Variants in PLCB1 observed in about 807,000 individuals in gnomAD.
PLCB1 encodes 1-phosphatidylinositol 4,5-bisphosphate phosphodiesterase beta-1.
PLCB1 carries 46 observed loss-of-function variants against 161.8 expected under a neutral mutation model. The observed-to-expected ratio is 0.28, with a 90% CI of 0.22 to 0.36. The LOEUF is 0.36. PLCB1 is among the 10% of genes least tolerant of loss of function. The probability of loss-of-function intolerance (pLI) is 1.00; values close to 1 mark genes in which losing one functional copy is unlikely to be tolerated. For missense variants in PLCB1, 1,016 were observed against 1,472.5 expected (o/e 0.69, Z 5.07); for synonymous variants, 517 against 503.7 (o/e 1.03, Z -0.35).
intron 3 of PLCB1, among the ~76,000 whole-genome samples, chr20:8,430,881 C>T (rs986950539): frequency 6.6e-6 from 1 of 151,910 alleles, no homozygotes; most frequent in Non-Finnish European, 1.5e-5. Context: ...TCTCTTGAGC[C>T]CAGAAGTAGG....
chr20:8,819,668 A>G (rs1417361322), intron 31 of PLCB1, among the ~76,000 whole-genome samples: 1 of 152,156 alleles, frequency 6.6e-6, no homozygotes, highest in African/African-American at 2.4e-5. Context: ...CACCCCGCCC[A>G]GATACCAAAA....
At chr20:8,811,056 A>G (rs1984794053) in intron 31 of PLCB1, among the ~76,000 whole-genome samples, 2 of 152,232 alleles carry the variant, frequency 1.3e-5, no homozygotes, top group South Asian at 2.1e-4. Context: ...TAGGAGGAAA[A>G]CCAAGAGTGT....
chr20:8,669,812 T>C (rs1347131897), intron 9 of PLCB1, among the ~76,000 whole-genome samples: 2 of 152,150 alleles, frequency 1.3e-5, no homozygotes, highest in African/African-American at 2.4e-5. Flanking sequence ...TCAGAAAGCA[T>C]TAATGAGAAC....
At chr20:8,211,839 T>A (rs1978840087) in intron 2 of PLCB1, among the ~76,000 whole-genome samples, 1 of 152,136 alleles carries the variant, frequency 6.6e-6, no homozygotes, top group African/African-American at 2.4e-5. Context: ...AGCAGTTCAT[T>A]ATCTATAAAT....
intron 3 of PLCB1, among the ~76,000 whole-genome samples, chr20:8,605,617 T>C (rs974712652): frequency 9.3e-5 from 14 of 151,212 alleles, no homozygotes; most frequent in African/African-American, 3.4e-4. Flanking sequence ...TTTCTTTTTT[T>C]TTTTTTTTTT....
rs891733994 is a variant in PLCB1 at position 8,856,566 on chromosome 20, G to A, written c.3424-25056G>A. On this transcript the variant is annotated intron_variant, in intron 31 of 31. Transcript: ENST00000338037. The stretch of plus-strand genomic sequence containing the variant: ...AGGGAGGTGGAGTTTACAGTGAGCC[G>A]AGATCACACCACTGCACTCCAGCCT... Among the ~76,000 whole-genome samples, 3 of 151,640 alleles carry A rather than the reference G, an allele frequency of 2.0e-5. No individual in the cohort carries two copies. The South Asian group carries it at 6.3e-4, about 32-fold the overall frequency.
intron 2 of PLCB1, among the ~76,000 whole-genome samples, chr20:8,355,254 A>G (rs571014196): frequency 6.6e-6 from 1 of 152,242 alleles, no homozygotes; most frequent in South Asian, 2.1e-4. Context: ...AGAAAAGGTC[A>G]TTTAAGCCCC....
intron 1 of PLCB1, chr20:8,142,085 G>C (rs150362297): frequency 2.0e-5 from 3 of 152,220 alleles, no homozygotes; most frequent in Admixed American, 2.0e-4. Flanking sequence ...GAGGGCTATA[G>C]CTTTATAATT....
At chr20:8,815,000 A>G (rs1985016552) in intron 31 of PLCB1, among the ~76,000 whole-genome samples, 2 of 152,162 alleles carry the variant, frequency 1.3e-5, no homozygotes, top group African/African-American at 4.8e-5. Flanking sequence ...ACAGCAATCC[A>G]CACTAACCAT....
intron 31 of PLCB1, among the ~76,000 whole-genome samples, chr20:8,826,757 TG>T (rs1372357879): frequency 6.6e-6 from 1 of 152,226 alleles, no homozygotes; most frequent in Non-Finnish European, 1.5e-5. Flanking sequence ...TCACTCTAAA[TG>T]GGTTTAATCA....
intron 3 of PLCB1, among the ~76,000 whole-genome samples, chr20:8,550,755 T>A (rs943484271): frequency 1.3e-5 from 2 of 152,162 alleles, no homozygotes; most frequent in African/African-American, 4.8e-5. Flanking sequence ...TTGTGCACCT[T>A]ACATCAAATT....
At chr20:8,346,951 G>C (rs187198254) in intron 2 of PLCB1, among the ~76,000 whole-genome samples, 85 of 152,296 alleles carry the variant, frequency 5.6e-4, no homozygotes, top group African/African-American at 1.9e-3. Flanking sequence ...CAGATAGAAG[G>C]AGGATACAGG....
Position 8,660,418 on chromosome 20 carries a change from A to C in PLCB1, c.862+1714A>C, listed in dbSNP as rs866689434. On this transcript the variant is annotated intron_variant, in intron 9 of 31. Coordinates refer to ENST00000338037, the MANE Select transcript of PLCB1 (RefSeq NM_015192.4). ...AACAAATCCAACAACACTTCTAAAA[A>C]TCAGTTAGCCCACGACACTAGGAAA... 3.8e-4 allele frequency among the ~76,000 whole-genome samples: 58 copies of C among 152,280 alleles called. 1 individual carries two copies. The highest frequency in any genetic ancestry group is 1.3e-3 in the African/African-American group (56 of 41,564).
At chr20:8,230,093 AAAAACAG>A (rs1979943998) in intron 2 of PLCB1, among the ~76,000 whole-genome samples, 1 of 146,856 alleles carries the variant, frequency 6.8e-6, no homozygotes, top group Admixed American at 6.8e-5. Context: ...AAGAAATCTG[AAAAACAG>A]AAAACAAAGT....
rs1443635082 is a variant in PLCB1, at chr20:8,883,349, CA to C, written c.*1503del. ...CCTATTTTAGATGGAATAAGAGAAACAAATTATATCAAGGTAAAACTGATCA... is the reference window on the plus strand; with the variant it reads ...CCTATTTTAGATGGAATAAGAGAAACAATTATATCAAGGTAAAACTGATCA... On this transcript the variant is annotated 3_prime_UTR_variant, in exon 32 of 32. Coordinates refer to ENST00000338037, the MANE Select transcript of PLCB1 (RefSeq NM_015192.4). 3 of 151,780 alleles carry C rather than the reference CA, an allele frequency of 2.0e-5. No individual in the cohort carries two copies. Among genetic ancestry groups the C allele is most frequent in the Non-Finnish European group, 2.9e-5 (2 of 67,910 alleles). 9.4% of individuals were successfully genotyped at this position (151,780 alleles called of 1,614,324 possible).
intron 3 of PLCB1, among the ~76,000 whole-genome samples, chr20:8,585,334 A>G (rs931986699): frequency 7.9e-5 from 12 of 152,090 alleles, no homozygotes; most frequent in Non-Finnish European, 5.9e-5. Context: ...GCAGAGGCAG[A>G]CTCCATTGCC....
At chr20:8,838,984 C>T (rs1297492510) in intron 31 of PLCB1, among the ~76,000 whole-genome samples, 1 of 152,220 alleles carries the variant, frequency 6.6e-6, no homozygotes. Context: ...CACCGTCCTA[C>T]ATAAGGGGCA....
intron 12 of PLCB1, among the ~76,000 whole-genome samples, chr20:8,715,600 G>T (rs1350260084): frequency 1.3e-5 from 2 of 152,112 alleles, no homozygotes; most frequent in African/African-American, 2.4e-5. Flanking sequence ...TATTCAGAAT[G>T]ATACCACCTT....
At chr20:8,204,291 G>A (rs1426004949) in intron 2 of PLCB1, among the ~76,000 whole-genome samples, 2 of 152,052 alleles carry the variant, frequency 1.3e-5, no homozygotes, top group East Asian at 3.9e-4. Flanking sequence ...TTCCTCTCTG[G>A]AGAAACACAG....
Sources: gnomAD v4.1 joint callset for allele counts (sites outside exome capture counted in the v4.1 genomes callset) on GRCh38, gnomAD v4.1.1 for gene constraint, MANE v1.5 for transcripts, NCBI Gene and HGNC (gene_info 2026-07-23, HGNC 2026-07-21) for gene names.